The following PLCXD3 variants were observed in gnomAD, a reference collection of about 807,000 sequenced individuals.
PLCXD3 encodes phosphatidylinositol specific phospholipase C X domain containing 3, also known as PI-PLC X domain-containing protein 3.
In PLCXD3, 19 loss-of-function variants were observed where a neutral mutation model predicts 25.5. The observed-to-expected ratio is 0.75, with a 90% CI of 0.52 to 1.09. PLCXD3 has a LOEUF of 1.09. Among genes scored for constraint, PLCXD3 ranks in the 50% least tolerant of loss-of-function variants. PLCXD3 has a pLI of 0.00. For missense variants in PLCXD3, 411 were observed against 388.1 expected, an observed-to-expected ratio of 1.06 and a Z score of -0.50; for synonymous variants, 174 against 137.6, an observed-to-expected ratio of 1.26 and a Z score of -1.85.
intron 2 of PLCXD3, among the ~76,000 whole-genome samples, chr5:41,321,206 CTG>C (rs901938792): frequency 7.2e-5 from 11 of 152,250 alleles, no homozygotes; most frequent in African/African-American, 2.4e-4. Context: ...CATAAAGACT[CTG>C]TAAGAAAACA....
chr5:41,332,055 A>G (rs1282659859), intron 2 of PLCXD3, among the ~76,000 whole-genome samples: 2 of 152,180 alleles, frequency 1.3e-5, no homozygotes, highest in African/African-American at 2.4e-5. Context: ...TGTCTAAAAC[A>G]CGAAAAGCAA....
chr5:41,318,845 A>G (rs918265464), intron 2 of PLCXD3, among the ~76,000 whole-genome samples: 1 of 152,194 alleles, frequency 6.6e-6, no homozygotes, highest in African/African-American at 2.4e-5. Context: ...TCTATTGCCT[A>G]CAAGAAACAC....
intron 2 of PLCXD3, among the ~76,000 whole-genome samples, chr5:41,327,387 TA>T (rs563274977): frequency 3.3e-5 from 5 of 150,888 alleles, no homozygotes; most frequent in Non-Finnish European, 7.4e-5. Context: ...AAGAAATTTT[TA>T]AAAAATTTTC....
chr5:41,458,256 A>G (rs1747800548), intron 1 of PLCXD3, among the ~76,000 whole-genome samples: 1 of 151,938 alleles, frequency 6.6e-6, no homozygotes, highest in Non-Finnish European at 1.5e-5. Context: ...TAGGGATTCC[A>G]TAATTAAAGA....
At chr5:41,393,480 A>G (rs1230854673) in intron 1 of PLCXD3, among the ~76,000 whole-genome samples, 3 of 152,218 alleles carry the variant, frequency 2.0e-5, no homozygotes, top group African/African-American at 7.2e-5. Flanking sequence ...TATCCTTCAA[A>G]CATGAAGCAG....
intron 1 of PLCXD3, among the ~76,000 whole-genome samples, chr5:41,410,428 C>A (rs1746484891): frequency 6.6e-6 from 1 of 152,080 alleles, no homozygotes; most frequent in African/African-American, 2.4e-5. Context: ...CAGGTGTGAG[C>A]CGCTGTGCCC....
At chr5:41,379,826 A>G (rs1415926998) in intron 2 of PLCXD3, among the ~76,000 whole-genome samples, 1 of 152,142 alleles carries the variant, frequency 6.6e-6, no homozygotes, top group Non-Finnish European at 1.5e-5. Flanking sequence ...ATTAAGCCAT[A>G]AAATGATATA....
chr5:41,315,661 A>T (rs1369014427), intron 2 of PLCXD3, among the ~76,000 whole-genome samples: 1 of 152,216 alleles, frequency 6.6e-6, no homozygotes, highest in Non-Finnish European at 1.5e-5. Context: ...AAGAAATAGA[A>T]AAAGCAGTCC....
intron 1 of PLCXD3, among the ~76,000 whole-genome samples, chr5:41,508,131 G>A (rs1311728768): frequency 6.6e-6 from 1 of 152,116 alleles, no homozygotes; most frequent in Admixed American, 6.5e-5. Context: ...CTTTACAGGA[G>A]ATCCATTTGA....
chr5:41,472,433 C>T (rs2150520434), intron 1 of PLCXD3, among the ~76,000 whole-genome samples: 1 of 152,196 alleles, frequency 6.6e-6, no homozygotes, highest in South Asian at 2.1e-4. Flanking sequence ...GGCTACAAAA[C>T]CCAGCAAGAG....
chr5:41,331,234 C>A (rs975404592), intron 2 of PLCXD3, among the ~76,000 whole-genome samples: 1 of 152,096 alleles, frequency 6.6e-6, no homozygotes, highest in Non-Finnish European at 1.5e-5. Flanking sequence ...AGCTGATAAG[C>A]AACTTCAGCA....
chr5:41,401,754 T>C (rs1746193557), intron 1 of PLCXD3, among the ~76,000 whole-genome samples: 7 of 152,044 alleles, frequency 4.6e-5, no homozygotes. Context: ...TGGAGTTCTT[T>C]TGTGAGAATC....
At chr5:41,433,468 C>T (rs557380172) in intron 1 of PLCXD3, among the ~76,000 whole-genome samples, 112 of 152,208 alleles carry the variant, frequency 7.4e-4, no homozygotes, top group Non-Finnish European at 1.2e-3. Context: ...CCTAAACCTC[C>T]CTATTGTAAA....
Position 41,374,834 on chromosome 5 carries a change from C to T in PLCXD3, c.812+6992G>A, listed in dbSNP as rs528433205. ...TGTGCTGACCTGTCTTGGGACATGG[C>T]CTAGGGTGGAAGGGTGGGGCTGGAA... On this transcript the variant is annotated intron_variant, in intron 2 of 2. Transcript: ENST00000377801. Among the ~76,000 whole-genome samples, 177 of 152,174 alleles carry T rather than the reference C, an allele frequency of 1.2e-3. 1 individual carries two copies. The South Asian group carries it at 0.035, about 31-fold the overall frequency.
chr5:41,314,165 A>G (rs1022284849), intron 2 of PLCXD3, among the ~76,000 whole-genome samples: 8 of 152,228 alleles, frequency 5.3e-5, no homozygotes, highest in Admixed American at 3.3e-4. Context: ...TTATGAACCC[A>G]CTATTATGAG....
At chr5:41,467,613 A>T (rs184965517) in intron 1 of PLCXD3, among the ~76,000 whole-genome samples, 6 of 152,284 alleles carry the variant, frequency 3.9e-5, no homozygotes, top group Admixed American at 3.3e-4. Flanking sequence ...GGTCATATTT[A>T]AAAAGAAAAA....
intron 2 of PLCXD3, among the ~76,000 whole-genome samples, chr5:41,362,006 A>G (rs1246640733): frequency 6.6e-6 from 1 of 152,176 alleles, no homozygotes; most frequent in East Asian, 1.9e-4. Context: ...TACATTGACC[A>G]AGAGAGATAA....
chr5:41,420,181 G>A (rs544910699), intron 1 of PLCXD3, among the ~76,000 whole-genome samples: 56 of 152,120 alleles, frequency 3.7e-4, no homozygotes, highest in African/African-American at 1.1e-3. Flanking sequence ...CTACTTTTAC[G>A]TCTATATCCC....
intron 2 of PLCXD3, among the ~76,000 whole-genome samples, chr5:41,361,187 G>C (rs1045701354): frequency 6.6e-6 from 1 of 152,134 alleles, no homozygotes; most frequent in Non-Finnish European, 1.5e-5. Flanking sequence ...GTGGGGGAAA[G>C]CTGGCAGTCA....
Sources: allele counts gnomAD v4.1 joint callset (sites outside exome capture counted in the v4.1 genomes callset), GRCh38; gene constraint gnomAD v4.1.1; transcripts MANE v1.5; gene names NCBI Gene and HGNC (gene_info 2026-07-23, HGNC 2026-07-21).